PLCB1: variants seen among roughly 807,000 people sequenced by gnomAD.
PLCB1 encodes phospholipase C beta 1, also known as 1-phosphatidylinositol 4,5-bisphosphate phosphodiesterase beta-1.
Under a neutral mutation model 161.8 loss-of-function variants are expected in PLCB1, and 46 were observed. The ratio of observed to expected loss-of-function variants is 0.28; its 90% CI spans 0.22 to 0.36. The LOEUF (loss-of-function observed/expected upper bound fraction) is 0.36. PLCB1 is among the 10% of genes least tolerant of loss of function. PLCB1 has a pLI of 1.00. For missense variants in PLCB1, 1,016 were observed against 1,472.5 expected, an observed-to-expected ratio of 0.69 and a Z score of 5.07; for synonymous variants, 517 against 503.7, an observed-to-expected ratio of 1.03 and a Z score of -0.35.
At chr20:8,606,291 A>G (rs903417813) in intron 3 of PLCB1, among the ~76,000 whole-genome samples, 2 of 152,212 alleles carry the variant, frequency 1.3e-5, no homozygotes, top group African/African-American at 2.4e-5. Flanking sequence ...TTTATCATTT[A>G]TTAAATAACA....
At chr20:8,298,331 G>A (rs2123315126) in intron 2 of PLCB1, among the ~76,000 whole-genome samples, 1 of 149,874 alleles carries the variant, frequency 6.7e-6, no homozygotes, top group East Asian at 2.0e-4. Context: ...CTTGAATCAA[G>A]AATATAAAGC....
chr20:8,738,540 A>G (rs1980701696), intron 20 of PLCB1, among the ~76,000 whole-genome samples: 1 of 152,164 alleles, frequency 6.6e-6, no homozygotes. Context: ...AAAACTTAAA[A>G]GTATAATAAT....
At chr20:8,810,278 C>A (rs181525139) in intron 31 of PLCB1, among the ~76,000 whole-genome samples, 1 of 152,100 alleles carries the variant, frequency 6.6e-6, no homozygotes, top group Non-Finnish European at 1.5e-5. Context: ...AGCGACGTGT[C>A]CAAGGTTACA....
intron 2 of PLCB1, among the ~76,000 whole-genome samples, chr20:8,173,124 G>A (rs1042348095): frequency 6.6e-6 from 1 of 152,208 alleles, no homozygotes; most frequent in African/African-American, 2.4e-5. Context: ...TCACCAGGTT[G>A]TACCAGCAAA....
At position 8,881,922 on chromosome 20, in the gene PLCB1, A is replaced by C; in HGVS notation, c.*73A>C. 12 of 955,714 alleles carry C rather than the reference A, an allele frequency of 1.3e-5. No homozygotes were observed. Among genetic ancestry groups the C allele is most frequent in the Non-Finnish European group, 1.6e-5 (10 of 606,738 alleles). 59.2% of individuals were successfully genotyped at this position (955,714 alleles called of 1,614,324 possible). On this transcript the variant is annotated 3_prime_UTR_variant, in exon 32 of 32. Transcript: ENST00000338037. ...CGGACTCTCTCTTATTACAAAGATC[A>C]CTGCCCAGGACCATCTTCCCGAGAA...
chr20:8,417,074 T>TATA (rs1491433170), intron 3 of PLCB1, among the ~76,000 whole-genome samples: 3 of 27,812 alleles, frequency 1.1e-4, no homozygotes, highest in African/African-American at 5.1e-4. Context: ...TATATATATA[T>TATA]TTTTTTTTTT....
At chr20:8,297,799 T>A (rs995697719) in intron 2 of PLCB1, among the ~76,000 whole-genome samples, 1 of 152,120 alleles carries the variant, frequency 6.6e-6, no homozygotes, top group Non-Finnish European at 1.5e-5. Context: ...GAATTCTGCC[T>A]GCATAATATG....
chr20:8,596,629 T>G (rs1600179421), intron 3 of PLCB1, among the ~76,000 whole-genome samples: 1 of 109,884 alleles, frequency 9.1e-6, no homozygotes, highest in Non-Finnish European at 1.9e-5. Flanking sequence ...TTTTTTCCAA[T>G]TCTGTGAAGA....
At position 8,725,732 on chromosome 20, in the gene PLCB1, T is replaced by C. The variant is rs1335395101; in HGVS notation, c.1678+980T>C. On this transcript the variant is annotated intron_variant, in intron 16 of 31. Coordinates refer to ENST00000338037, the MANE Select transcript of PLCB1 (RefSeq NM_015192.4). ...TTATTTTTATATCACTGTAATTTCA[T>C]TGGCTGCAATGAGTTTCTCTAACTC... Among the ~76,000 whole-genome samples the C allele has an allele frequency of 7.2e-5, 11 of 152,108 alleles. No individual in the cohort carries two copies. The East Asian group carries it at 1.4e-3, about 19-fold the overall frequency.
intron 3 of PLCB1, among the ~76,000 whole-genome samples, chr20:8,403,882 A>G (rs1978675198): frequency 6.6e-6 from 1 of 152,058 alleles, no homozygotes; most frequent in Non-Finnish European, 1.5e-5. Flanking sequence ...TTTACTAGTA[A>G]CTCATTTGTA....
At chr20:8,159,354 A>T (rs1392071925) in intron 2 of PLCB1, among the ~76,000 whole-genome samples, 1 of 152,116 alleles carries the variant, frequency 6.6e-6, no homozygotes, top group African/African-American at 2.4e-5. Flanking sequence ...GTAGGGCACC[A>T]AGTCCCTAGG....
chr20:8,567,175 G>A (rs900518624), intron 3 of PLCB1, among the ~76,000 whole-genome samples: 12 of 152,106 alleles, frequency 7.9e-5, no homozygotes, highest in African/African-American at 2.7e-4. Flanking sequence ...AAAATGTCAC[G>A]GACTTCTGCA....
At chr20:8,402,484 G>T (rs754775387) in intron 3 of PLCB1, among the ~76,000 whole-genome samples, 1 of 151,970 alleles carries the variant, frequency 6.6e-6, no homozygotes, top group Non-Finnish European at 1.5e-5. Flanking sequence ...TTAAATAAAA[G>T]GAAACTAATT....
intron 3 of PLCB1, among the ~76,000 whole-genome samples, chr20:8,603,139 CT>C (rs1249180234): frequency 6.6e-6 from 1 of 152,200 alleles, no homozygotes; most frequent in Admixed American, 6.5e-5. Context: ...ATAAATTCTA[CT>C]TTCTCTCAAA....
At chr20:8,273,772 A>C (rs1389375584) in intron 2 of PLCB1, among the ~76,000 whole-genome samples, 2 of 152,270 alleles carry the variant, frequency 1.3e-5, no homozygotes. Flanking sequence ...AGTTTTAAAA[A>C]CCGGAGTGAG....
intron 23 of PLCB1, among the ~76,000 whole-genome samples, chr20:8,747,158 T>A (rs1165704988): frequency 6.6e-6 from 1 of 152,244 alleles, no homozygotes; most frequent in African/African-American, 2.4e-5. Context: ...ATCTTTTGAT[T>A]GAATTTTTAG....
At chr20:8,713,748 G>A (rs914220822) in intron 12 of PLCB1, among the ~76,000 whole-genome samples, 9 of 152,124 alleles carry the variant, frequency 5.9e-5, no homozygotes, top group East Asian at 1.9e-4. Context: ...TGCATGTTCC[G>A]GGGCTTTGGT....
In PLCB1 at chr20:8,251,429, C is replaced by T. The variant is rs545514775; in HGVS notation, c.177+101058C>T. Among the ~76,000 whole-genome samples the T allele has an allele frequency of 8.8e-4, 133 of 151,920 alleles. 2 individuals carry two copies. The highest frequency in any genetic ancestry group is 3.0e-3 in the African/African-American group (124 of 41,476). Reference sequence around the variant, plus strand: ...GCTTGGTGCACAGAGAGGAGTTTGCCAGGCGGATAAGAGCAGGAGAGGTCT... The same window carrying T: ...GCTTGGTGCACAGAGAGGAGTTTGCTAGGCGGATAAGAGCAGGAGAGGTCT... On this transcript the variant is annotated intron_variant, in intron 2 of 31. Coordinates refer to ENST00000338037, the MANE Select transcript of PLCB1 (RefSeq NM_015192.4).
At chr20:8,198,745 C>T (rs929130374) in intron 2 of PLCB1, among the ~76,000 whole-genome samples, 5 of 152,022 alleles carry the variant, frequency 3.3e-5, no homozygotes, top group African/African-American at 9.7e-5. Flanking sequence ...GCTGGTTTCT[C>T]AGCTAATCCA....
Sources: allele counts gnomAD v4.1 joint callset (sites outside exome capture counted in the v4.1 genomes callset), GRCh38; gene constraint gnomAD v4.1.1; transcripts MANE v1.5; gene names NCBI Gene and HGNC (gene_info 2026-07-23, HGNC 2026-07-21).